Variants in DIS3L2 observed in about 807,000 individuals in gnomAD.
The protein encoded by DIS3L2 is DIS3-like exonuclease 2.
In DIS3L2, 34 loss-of-function variants were observed where a neutral mutation model predicts 97.5. That is an observed-to-expected ratio of 0.35 (90% CI 0.27 to 0.46). The LOEUF (loss-of-function observed/expected upper bound fraction) is 0.46, where lower values mean the gene tolerates loss of function less well. DIS3L2 is among the 20% of genes least tolerant of loss of function. DIS3L2 has a pLI of 1.00. For missense variants in DIS3L2, 1,038 were observed against 1,146.0 expected, an observed-to-expected ratio of 0.91 and a Z score of 1.36; for synonymous variants, 435 against 445.2, an observed-to-expected ratio of 0.98 and a Z score of 0.29.
chr2:232,166,344 G>A (rs1195599709), intron 9 of DIS3L2, among the ~76,000 whole-genome samples: 1 of 152,112 alleles, frequency 6.6e-6, no homozygotes, highest in African/African-American at 2.4e-5. Context: ...ACACACGCGT[G>A]CGCGCGCGCC....
intron 9 of DIS3L2, among the ~76,000 whole-genome samples, chr2:232,190,358 A>G (rs1574935772): frequency 6.6e-6 from 1 of 152,150 alleles, no homozygotes; most frequent in Admixed American, 6.6e-5. Flanking sequence ...GAAAGCAGTT[A>G]ACATGGTTAC....
chr2:231,992,841 CTT>C (rs141396659), intron 1 of DIS3L2, among the ~76,000 whole-genome samples: 532 of 152,312 alleles, frequency 3.5e-3, no homozygotes, highest in African/African-American at 0.012. Flanking sequence ...CAAGTTTTCT[CTT>C]ATATCTCCCT....
intron 6 of DIS3L2, among the ~76,000 whole-genome samples, chr2:232,122,227 A>G (rs187224075): frequency 6.6e-6 from 1 of 152,340 alleles, no homozygotes; most frequent in Admixed American, 6.5e-5. Flanking sequence ...TATAACAATT[A>G]CTGAGTGCTT....
At chr2:232,168,165 G>A (rs1239050758) in intron 9 of DIS3L2, among the ~76,000 whole-genome samples, 2 of 152,128 alleles carry the variant, frequency 1.3e-5, no homozygotes, top group Admixed American at 1.3e-4. Context: ...AACAATGGAA[G>A]TATTTCAAAA....
At chr2:232,163,409 T>A in intron 8 of DIS3L2, 50 bp from the exon 9 acceptor site, 3 of 1,581,810 alleles carry the variant, frequency 1.9e-6, no homozygotes, top group Non-Finnish European at 2.6e-6. Context: ...CAGGTACCTA[T>A]GTTCCATTTG....
At chr2:232,042,315 G>A (rs1348828951) in intron 5 of DIS3L2, among the ~76,000 whole-genome samples, 1 of 151,718 alleles carries the variant, frequency 6.6e-6, no homozygotes, top group Admixed American at 6.6e-5. Context: ...TGTGTTCCAA[G>A]TTCTTCTTTA....
chr2:232,163,464 T>C lies in DIS3L2; in HGVS notation c.956T>C (p.Leu319Pro). 6.2e-7 allele frequency: 1 copy of C among 1,613,606 alleles called. No individual in the cohort carries two copies. Among genetic ancestry groups the C allele is most frequent in the South Asian group, 1.1e-5 (1 of 90,938 alleles). ...KEDCNFALGQ[L>P]AKSLGQAGEI... ...CGTTTCTGTTCTATCCATAGGCAGC[T>C]GGCTAAGAGTCTTGGGCAGGCTGGT... Residue 319 changes from leucine (L) to proline (P), a missense_variant, in exon 9 of 21, where the codon CTG (leucine) becomes CCG (proline). By Grantham distance (98) the Leu-to-Pro change is moderately conservative. Transcript: ENST00000325385.
At chr2:232,304,375 G>T (rs1694935045) in intron 14 of DIS3L2, among the ~76,000 whole-genome samples, 1 of 152,168 alleles carries the variant, frequency 6.6e-6, no homozygotes, top group Admixed American at 6.5e-5. Flanking sequence ...TGTTACATGG[G>T]GGAGGCAAAG....
chr2:232,294,155 G>A (rs540063496), intron 13 of DIS3L2, among the ~76,000 whole-genome samples: 1 of 152,316 alleles, frequency 6.6e-6, no homozygotes, highest in Admixed American at 6.5e-5. Flanking sequence ...ATTGGCCTCG[G>A]TTGGGTCACA....
At chr2:232,142,850 T>TC (rs1690103258) in intron 8 of DIS3L2, among the ~76,000 whole-genome samples, 1 of 152,172 alleles carries the variant, frequency 6.6e-6, no homozygotes, top group Non-Finnish European at 1.5e-5. Context: ...GTTTGGGCCC[T>TC]CGGTATAGTT....
In DIS3L2 at chr2:232,018,204, T is replaced by A. The variant is rs373898287; in HGVS notation, c.210+2533T>A. Among the ~76,000 whole-genome samples, 24 of 152,312 alleles carry A rather than the reference T, an allele frequency of 1.6e-4. No individual in the cohort carries two copies. The East Asian group carries it at 3.9e-3, about 24-fold the overall frequency. On this transcript the variant is annotated intron_variant, in intron 3 of 20. Coordinates refer to ENST00000325385, the MANE Select transcript of DIS3L2 (RefSeq NM_152383.5). The stretch of plus-strand genomic sequence containing the variant: ...GAGAGGACAGCGTTCTGCAGTGATA[T>A]TAGCTTCAGCTCCCTTTTAGTTTTT...
At chr2:232,175,068 A>G (rs941492431) in intron 9 of DIS3L2, among the ~76,000 whole-genome samples, 1 of 152,000 alleles carries the variant, frequency 6.6e-6, no homozygotes, top group Admixed American at 6.6e-5. Flanking sequence ...GGCTCAAGTG[A>G]TCTGCCCGCC....
chr2:232,221,791 A>C (rs559314838), intron 10 of DIS3L2, among the ~76,000 whole-genome samples: 2 of 152,188 alleles, frequency 1.3e-5, no homozygotes, highest in East Asian at 3.9e-4. Flanking sequence ...ACAAGAGTGA[A>C]ACTCCGTCTC....
intron 1 of DIS3L2, among the ~76,000 whole-genome samples, chr2:232,012,353 G>A (rs748670177): frequency 1.3e-5 from 2 of 152,158 alleles, no homozygotes; most frequent in Admixed American, 6.5e-5. Context: ...CTGCTGTGAA[G>A]GAAAGATACA....
At chr2:232,158,560 A>G (rs1040357086) in intron 8 of DIS3L2, among the ~76,000 whole-genome samples, 26 of 152,240 alleles carry the variant, frequency 1.7e-4, no homozygotes, top group African/African-American at 5.8e-4. Flanking sequence ...TTTAGAATGA[A>G]GAATTTAGAG....
chr2:232,012,882 C>T (rs1313812880), intron 1 of DIS3L2, among the ~76,000 whole-genome samples: 1 of 152,180 alleles, frequency 6.6e-6, no homozygotes, highest in African/African-American at 2.4e-5. Context: ...CTTATCCATT[C>T]TTGAACACTC....
At chr2:232,342,937 A>G (rs1330702532) in intron 13 of DIS3L2, among the ~76,000 whole-genome samples, 1 of 152,118 alleles carries the variant, frequency 6.6e-6, no homozygotes, top group Non-Finnish European at 1.5e-5. Context: ...GGCACAGATC[A>G]AAGAGGTGTT....
chr2:232,124,587 CAT>C (rs1393217547), intron 6 of DIS3L2, among the ~76,000 whole-genome samples: 2 of 151,928 alleles, frequency 1.3e-5, no homozygotes, highest in Non-Finnish European at 2.9e-5. Context: ...AGGCAAGAGA[CAT>C]AGAGAACAGA....
chr2:232,229,291 C>G (rs1206697796), intron 10 of DIS3L2, among the ~76,000 whole-genome samples: 2 of 152,178 alleles, frequency 1.3e-5, no homozygotes, highest in Non-Finnish European at 2.9e-5. Flanking sequence ...ATTCCACAGC[C>G]AGTCCTGCTC....
Sources: gnomAD v4.1 joint callset for allele counts (sites outside exome capture counted in the v4.1 genomes callset) on GRCh38, gnomAD v4.1.1 for gene constraint, MANE v1.5 for transcripts, NCBI Gene and HGNC (gene_info 2026-07-23, HGNC 2026-07-21) for gene names.